ARPC1B: variants seen among roughly 807,000 people sequenced by gnomAD.
The protein encoded by ARPC1B is actin-related protein 2/3 complex subunit 1B.
Under a neutral mutation model 46.0 loss-of-function variants are expected in ARPC1B, and 29 were observed. The observed-to-expected ratio is 0.63, with a 90% CI of 0.47 to 0.86. The LOEUF is 0.86. Ranked by LOEUF, ARPC1B falls within the 40% of genes least tolerant of loss-of-function variation. The pLI, the probability that ARPC1B is intolerant of heterozygous loss-of-function variation, is 0.00. For synonymous variants in ARPC1B, 201 were observed against 213.9 expected, an observed-to-expected ratio of 0.94 and a Z score of 0.53; for missense variants, 469 against 529.4, an observed-to-expected ratio of 0.89 and a Z score of 1.12.
intron 5 of ARPC1B, 122 bp downstream of exon 5, chr7:99,390,134 A>G: frequency 3.5e-6 from 3 of 845,130 alleles, no homozygotes; most frequent in South Asian, 3.2e-5. Flanking sequence ...ACCTGCTACC[A>G]GTGGATGACC....
intron 4 of ARPC1B, 144 bp from the exon 5 acceptor site, chr7:99,389,761 G>T: frequency 2.8e-6 from 2 of 723,146 alleles, no homozygotes; most frequent in South Asian, 3.4e-5. Context: ...TGACGGCCTT[G>T]TGGGCTGGCA....
intron 1 of ARPC1B, among the ~76,000 whole-genome samples, chr7:99,378,138 CA>C (rs966766725): frequency 1.3e-5 from 2 of 152,064 alleles, no homozygotes; most frequent in African/African-American, 4.8e-5. Flanking sequence ...CGGCTCACTG[CA>C]ACCTCCACCT....
intron 7 of ARPC1B, among the ~76,000 whole-genome samples, chr7:99,391,596 A>C (rs1469451609): frequency 6.6e-6 from 1 of 152,080 alleles, no homozygotes; most frequent in African/African-American, 2.4e-5. Context: ...AAAAGTTAAG[A>C]AATTAGCTGG....
In ARPC1B at chr7:99,390,950, C is replaced by T; in HGVS notation, c.558C>T (p.Gly186=). 1 of 1,613,634 alleles carries T rather than the reference C, an allele frequency of 6.2e-7. No individual in the cohort carries two copies. The highest frequency in any genetic ancestry group is 8.5e-7 in the Non-Finnish European group (1 of 1,179,764). ...VEERPAPTPW[G]SKMPFGELMF... ...AACGGCCGGCACCCACCCCGTGGGG[C>T]TCCAAGATGCCCTTTGGGGAACTGA... Residue 186 remains glycine (G), a synonymous_variant, in exon 6 of 10, where the codon GGC becomes GGT. Coordinates refer to ENST00000646101, the MANE Select transcript of ARPC1B (RefSeq NM_005720.4).
At chr7:99,385,063 T>A (rs1453287385) in intron 1 of ARPC1B, among the ~76,000 whole-genome samples, 2 of 149,138 alleles carry the variant, frequency 1.3e-5, no homozygotes, top group Non-Finnish European at 3.0e-5. Flanking sequence ...CCTCCCAAGT[T>A]CACGCCATTC....
intron 1 of ARPC1B, among the ~76,000 whole-genome samples, chr7:99,380,998 A>C (rs1584400228): frequency 6.6e-6 from 1 of 151,924 alleles, no homozygotes; most frequent in South Asian, 2.1e-4. Context: ...AGCACCGTGA[A>C]TCAGTCACAG....
chr7:99,381,807 G>A (rs1014056995), intron 1 of ARPC1B, among the ~76,000 whole-genome samples: 1 of 152,210 alleles, frequency 6.6e-6, no homozygotes, highest in Non-Finnish European at 1.5e-5. Context: ...GGCAAAGGTC[G>A]TTCTGCCTTT....
At chr7:99,394,353 C>G in intron 9 of ARPC1B, 98 bp from the exon 10 acceptor site, 1 of 1,208,192 alleles carries the variant, frequency 8.3e-7, no homozygotes, top group Non-Finnish European at 1.2e-6. Flanking sequence ...GTTCTCTGCC[C>G]TCTGCTGTGC....
In ARPC1B at chr7:99,392,845, G is replaced by A. The variant is rs1237274510; in HGVS notation, c.958G>A (p.Gly320Ser). Reference protein sequence around the residue: ...SSEGGTAAGAGLDSLHKNSVS... With the variant: ...SSEGGTAAGASLDSLHKNSVS... ...CGAGGGTGGCACGGCTGCGGGCGCG[G>A]GCCTAGACTCGCTGCACAAGAACAG... Residue 320 changes from glycine (G) to serine (S), a missense_variant, in exon 8 of 10, where the codon GGC becomes AGC. Physicochemically the swap from Gly to Ser is moderately conservative, Grantham distance 56. Transcript: ENST00000646101. 1.7e-5 allele frequency: 26 copies of A among 1,548,022 alleles called. No individual in the cohort carries two copies. The highest frequency in any genetic ancestry group is 2.2e-5 in the Non-Finnish European group (25 of 1,145,330).
chr7:99,392,618 C>G (rs1201924340), intron 7 of ARPC1B, 53 bp from the exon 8 acceptor site: 10 of 1,418,500 alleles, frequency 7.0e-6, no homozygotes, highest in Non-Finnish European at 9.2e-6. Flanking sequence ...GGCCTTCCCT[C>G]CGGCCTCGGT....
At chr7:99,376,835 A>G (rs1009590805) in intron 1 of ARPC1B, among the ~76,000 whole-genome samples, 7 of 148,572 alleles carry the variant, frequency 4.7e-5, no homozygotes, top group Admixed American at 4.2e-4. Flanking sequence ...ATGCCGTTGC[A>G]CTCCAGCCTG....
At position 99,384,860 on chromosome 7, in the gene ARPC1B, CTTT is replaced by C. The variant is rs1245581099; in HGVS notation, c.-13-826_-13-824del. ...GGTGGTTTATGAGATTACTTCATTT[CTTT>C]TTTTTTTTTTTTTTTCTGAGATGAG... On this transcript the variant is annotated intron_variant, in intron 1 of 9. Transcript: ENST00000646101. Among the ~76,000 whole-genome samples, 5 of 101,180 alleles carry C rather than the reference CTTT, an allele frequency of 4.9e-5. No homozygotes were observed. The Admixed American group carries it at 5.3e-4, about 11-fold the overall frequency. The allele number at this position is 101,180 out of a possible 152,430, so 66.4% of individuals were successfully genotyped here.
At chr7:99,387,508 C>T (rs1167712349) in intron 3 of ARPC1B, among the ~76,000 whole-genome samples, 3 of 151,986 alleles carry the variant, frequency 2.0e-5, no homozygotes, top group Non-Finnish European at 2.9e-5. Flanking sequence ...GAGGCGGAGG[C>T]GGGCGGATCA....
At chr7:99,375,221 G>T (rs988487460) in intron 1 of ARPC1B, among the ~76,000 whole-genome samples, 1 of 151,698 alleles carries the variant, frequency 6.6e-6, no homozygotes, top group African/African-American at 2.4e-5. Flanking sequence ...GTGTAGCCCC[G>T]TTACTTCGGG....
chr7:99,377,638 T>C (rs1419752692), intron 1 of ARPC1B, among the ~76,000 whole-genome samples: 35 of 150,940 alleles, frequency 2.3e-4, no homozygotes, highest in Non-Finnish European at 4.7e-4. Context: ...TCTTCTTTTT[T>C]TTTTTTATTT....
rs756502444 is a variant in ARPC1B at position 99,391,068 on chromosome 7, G to A, written c.676G>A (p.Val226Ile). 1.4e-4 allele frequency: 218 copies of A among 1,613,816 alleles called. 2 individuals carry two copies. In the South Asian group the frequency reaches 2.0e-3, roughly 15 times the overall value. Residue 226 changes from valine to isoleucine, a missense_variant, in exon 6 of 10, where the codon GTC (valine) becomes ATC (isoleucine). Transcript: ENST00000646101. ...RVAWVSHDST[V>I]CLADADKKMA... ...GGCCTGGGTAAGCCACGACAGCACCGTCTGCCTGGCTGATGCCGACAAGAA... is the reference window on the plus strand; with the variant it reads ...GGCCTGGGTAAGCCACGACAGCACCATCTGCCTGGCTGATGCCGACAAGAA...
chr7:99,392,669 A>T lies in ARPC1B; in HGVS notation c.784-2A>T. 1 of 1,513,024 alleles carries T rather than the reference A, an allele frequency of 6.6e-7. No individual in the cohort carries two copies. Among genetic ancestry groups the T allele is most frequent in the Non-Finnish European group, 8.9e-7 (1 of 1,123,890 alleles). 93.7% of individuals were successfully genotyped at this position (1,513,024 alleles called of 1,614,324 possible). A position where few individuals can be genotyped will look rare whatever the true frequency, so the allele number is the denominator to read the frequency against. The stretch of plus-strand genomic sequence containing the variant: ...CTCCAATGGCCCCCGCCCTCCGCGC[A>T]GGGCCACGACTGCTTCCCGGTGCTG... On this transcript the variant is annotated splice_acceptor_variant, in intron 7 of 9. Transcript: ENST00000646101. LOFTEE classifies it high-confidence loss of function.
At position 99,374,837 on chromosome 7, in the gene ARPC1B, G is replaced by A. The variant is rs535618059; in HGVS notation, c.-14+56G>A. The stretch of plus-strand genomic sequence containing the variant: ...GGTCAGGGGAGCCACCTGGAGGTGG[G>A]GGGGCGCGTAGATGTGGGGCGCCGC... On this transcript the variant is annotated intron_variant, in intron 1 of 9. Coordinates refer to ENST00000646101, the MANE Select transcript of ARPC1B (RefSeq NM_005720.4). The surrounding 1 kb of genome is among the most constrained non-coding windows in gnomAD (Gnocchi z 5.0). 1 of 152,238 alleles carries A rather than the reference G, an allele frequency of 6.6e-6. No individual in the cohort carries two copies. 9.4% of individuals were successfully genotyped at this position (152,238 alleles called of 1,614,324 possible).
At chr7:99,377,057 G>A (rs959570673) in intron 1 of ARPC1B, among the ~76,000 whole-genome samples, 4 of 152,234 alleles carry the variant, frequency 2.6e-5, no homozygotes, top group Non-Finnish European at 5.9e-5. Flanking sequence ...TGTTGCCCAG[G>A]CTATAGTGCC....
Sources: gnomAD v4.1 joint callset for allele counts (sites outside exome capture counted in the v4.1 genomes callset) on GRCh38, gnomAD v4.1.1 for gene constraint, Gnocchi (gnomAD v3.1) non-coding constraint, MANE v1.5 for transcripts, NCBI Gene and HGNC (gene_info 2026-07-23, HGNC 2026-07-21) for gene names.